The following ARHGAP22 variants were observed in gnomAD, a reference collection of about 807,000 sequenced individuals.
ARHGAP22 encodes rho GTPase-activating protein 22.
In ARHGAP22, 48 loss-of-function variants were observed where a neutral mutation model predicts 59.1. That is an observed-to-expected ratio of 0.81 (90% CI 0.64 to 1.03). The LOEUF is 1.03. Among genes scored for constraint, ARHGAP22 ranks in the 50% least tolerant of loss-of-function variants. The probability of loss-of-function intolerance (pLI) is 0.00; values close to 1 mark genes in which losing one functional copy is unlikely to be tolerated. For synonymous variants in ARHGAP22, 445 were observed against 416.4 expected, an observed-to-expected ratio of 1.07 and a Z score of -0.84; for missense variants, 1,015 against 958.7, an observed-to-expected ratio of 1.06 and a Z score of -0.78.
At chr10:48,600,536 T>C (rs2060319930) in intron 1 of ARHGAP22, among the ~76,000 whole-genome samples, 1 of 143,042 alleles carries the variant, frequency 7.0e-6, no homozygotes, top group South Asian at 2.1e-4. Context: ...ACAATGAAAA[T>C]CCCAGAGGAG....
chr10:48,602,521 A>G (rs1215915919), intron 1 of ARHGAP22, among the ~76,000 whole-genome samples: 2 of 152,242 alleles, frequency 1.3e-5, no homozygotes, highest in Non-Finnish European at 1.5e-5. Context: ...TATTTGCAAC[A>G]TATGAGTCAG....
chr10:48,601,886 G>GCATTTTATCACTGAAATAATCTA (rs2060405225), intron 1 of ARHGAP22, among the ~76,000 whole-genome samples: 1 of 152,244 alleles, frequency 6.6e-6, no homozygotes, highest in East Asian at 1.9e-4. Flanking sequence ...AAATATCATT[G>GCATTTTATCACTGAAATAATCTA]CATTTTATCA....
the ARHGAP22 span, chr10:48,430,842 C>T: frequency 3.9e-6 from 1 of 257,396 alleles, no homozygotes; most frequent in Non-Finnish European, 7.3e-6. Flanking sequence ...GGTTCAAGCC[C>T]TCCCTGAGAC....
At chr10:48,447,862 G>A (rs981086950) in intron 9 of ARHGAP22, among the ~76,000 whole-genome samples, 2 of 152,002 alleles carry the variant, frequency 1.3e-5, no homozygotes, top group African/African-American at 4.8e-5. Context: ...CTTTTTCTCG[G>A]TCCCATATCT....
At chr10:48,582,663 G>A (rs2059188864) in intron 2 of ARHGAP22, 3 of 469,026 alleles carry the variant, frequency 6.4e-6, no homozygotes, top group Non-Finnish European at 1.2e-5. Context: ...AGCATGAAGG[G>A]GCCAAAAAGA....
chr10:48,598,750 C>T (rs1589089428), intron 1 of ARHGAP22, among the ~76,000 whole-genome samples: 1 of 152,330 alleles, frequency 6.6e-6, no homozygotes, highest in East Asian at 1.9e-4. Flanking sequence ...TCACCTTGTC[C>T]TCCCACTGCC....
chr10:48,473,512 A>G (rs986099493), intron 4 of ARHGAP22, among the ~76,000 whole-genome samples: 9 of 151,588 alleles, frequency 5.9e-5, no homozygotes, highest in Non-Finnish European at 1.2e-4. Flanking sequence ...TGTTTAATGA[A>G]TGAATGAGGA....
chr10:48,485,967 G>T (rs1193943474), intron 3 of ARHGAP22, among the ~76,000 whole-genome samples: 1 of 152,068 alleles, frequency 6.6e-6, no homozygotes, highest in Non-Finnish European at 1.5e-5. Flanking sequence ...TGATTATTGG[G>T]ATGCTTAGAT....
chr10:48,549,770 G>A (rs181730923), intron 3 of ARHGAP22, among the ~76,000 whole-genome samples: 16 of 152,190 alleles, frequency 1.1e-4, no homozygotes, highest in South Asian at 2.1e-4. Flanking sequence ...CACTCAGTCC[G>A]CTTGTGAGGC....
chr10:48,439,959 CAGCTGCGTG>C, the ARHGAP22 span, among the ~76,000 whole-genome samples: 1 of 152,228 alleles, frequency 6.6e-6, no homozygotes, highest in Non-Finnish European at 1.5e-5. Context: ...GCTGCTGGAT[CAGCTGCGTG>C]GCAGCTGAGC....
intron 2 of ARHGAP22, among the ~76,000 whole-genome samples, chr10:48,577,106 TC>T (rs2058766427): frequency 1.3e-5 from 2 of 152,192 alleles, no homozygotes; most frequent in Admixed American, 1.3e-4. Context: ...GGGTTGTCTC[TC>T]TTATTGTCCT....
At chr10:48,609,302 C>T (rs1445844820), upstream of ARHGAP22, among the ~76,000 whole-genome samples, 4 of 152,196 alleles carry the variant, frequency 2.6e-5, no homozygotes, top group Non-Finnish European at 5.9e-5. Flanking sequence ...AGCATCCTTG[C>T]AGTTAGGTGT....
chr10:48,519,732 T>A (rs1328261619), intron 3 of ARHGAP22, among the ~76,000 whole-genome samples: 2 of 152,194 alleles, frequency 1.3e-5, no homozygotes, highest in African/African-American at 4.8e-5. Flanking sequence ...TCGACTGCCC[T>A]CAGGCCCATT....
intron 1 of ARHGAP22, among the ~76,000 whole-genome samples, chr10:48,620,724 T>C (rs1217890309): frequency 1.3e-5 from 2 of 152,132 alleles, no homozygotes; most frequent in East Asian, 1.9e-4. Flanking sequence ...GTTAGTTCTC[T>C]CACAGAGGTA....
chr10:48,581,202 T>TA (rs2059098919), intron 2 of ARHGAP22, among the ~76,000 whole-genome samples: 1 of 152,202 alleles, frequency 6.6e-6, no homozygotes, highest in African/African-American at 2.4e-5. Flanking sequence ...AGCTCAGCTG[T>TA]ATCATCCCTC....
chr10:48,459,753 G>A lies in ARHGAP22; in HGVS notation c.590C>T (p.Pro197Leu), dbSNP rs759395912. The A allele has an allele frequency of 9.9e-6, 16 of 1,613,914 alleles. No individual in the cohort carries two copies. The African/African-American group carries it at 1.1e-4, about 11-fold the overall frequency. ...GTCCCTCACCAGGTTGGCCTGGCCT[G>A]GCATGCGGAACAGCCCCTCCTCAGT... ...GLTEEGLFRM[P>L]GQANLVRDLQ... Residue 197 changes from proline (P) to leucine (L), a missense_variant, in exon 5 of 10, where the codon CCA (proline) becomes CTA (leucine). Pro to Leu is a moderately conservative substitution (Grantham distance 98). Coordinates refer to ENST00000249601, the MANE Select transcript of ARHGAP22 (RefSeq NM_021226.4).
At chr10:48,449,630 G>A (rs957534157) in intron 9 of ARHGAP22, among the ~76,000 whole-genome samples, 1 of 152,236 alleles carries the variant, frequency 6.6e-6, no homozygotes, top group African/African-American at 2.4e-5. Flanking sequence ...AACGCCCTGC[G>A]CTGGAGAACC....
Position 48,627,904 on chromosome 10 carries a change from G to A in ARHGAP22, c.52+24330C>T, listed in dbSNP as rs368162860. ...GAGGCTGGCTTAGCCCAGAGGAAGGGGCATCTTTGTGATTTGTAGAAAGGT... is the reference window on the plus strand; with the variant it reads ...GAGGCTGGCTTAGCCCAGAGGAAGGAGCATCTTTGTGATTTGTAGAAAGGT... On this transcript the variant is annotated intron_variant, in intron 1 of 9. Coordinates refer to the ARHGAP22 transcript ENST00000435790. Among the ~76,000 whole-genome samples the A allele has an allele frequency of 3.9e-5, 6 of 152,240 alleles. No individual in the cohort carries two copies. The East Asian group carries it at 9.6e-4, about 24-fold the overall frequency.
At chr10:48,529,975 G>A (rs542072370) in intron 3 of ARHGAP22, among the ~76,000 whole-genome samples, 4 of 152,124 alleles carry the variant, frequency 2.6e-5, no homozygotes, top group Non-Finnish European at 5.9e-5. Context: ...GGTGGCTCAC[G>A]CCTGTAATCC....
Sources: gnomAD v4.1 joint callset for allele counts (sites outside exome capture counted in the v4.1 genomes callset) on GRCh38, gnomAD v4.1.1 for gene constraint, MANE v1.5 for transcripts, NCBI Gene and HGNC (gene_info 2026-07-23, HGNC 2026-07-21) for gene names.